Variants in SLC6A11 observed in about 807,000 individuals in gnomAD.
The protein encoded by SLC6A11 is sodium- and chloride-dependent GABA transporter 3.
In SLC6A11, 25 loss-of-function variants were observed where a neutral mutation model predicts 74.8. That is an observed-to-expected ratio of 0.33 (90% CI 0.24 to 0.47). The LOEUF is 0.47. SLC6A11 is among the 20% of genes least tolerant of loss of function. The probability of loss-of-function intolerance (pLI) is 1.00; values close to 1 mark genes in which losing one functional copy is unlikely to be tolerated. For synonymous variants in SLC6A11, 330 were observed against 330.2 expected, an observed-to-expected ratio of 1.00 and a Z score of 0.01; for missense variants, 574 against 837.0, an observed-to-expected ratio of 0.69 and a Z score of 3.88.
At chr3:10,858,767 G>T (rs902653352) in intron 5 of SLC6A11, among the ~76,000 whole-genome samples, 1 of 152,168 alleles carries the variant, frequency 6.6e-6, no homozygotes, top group East Asian at 1.9e-4. Flanking sequence ...GGAGCTATGT[G>T]CCTTCAAATT....
At chr3:10,904,627 C>T (rs896508239) in intron 6 of SLC6A11, among the ~76,000 whole-genome samples, 9 of 152,176 alleles carry the variant, frequency 5.9e-5, no homozygotes, top group Non-Finnish European at 1.0e-4. Context: ...CCCTTTGTAG[C>T]GTCCTGGGAG....
intron 6 of SLC6A11, among the ~76,000 whole-genome samples, chr3:10,878,662 C>G (rs1355204361): frequency 6.6e-6 from 1 of 151,678 alleles, no homozygotes; most frequent in Admixed American, 6.6e-5. Context: ...ATCCACCCAC[C>G]TTGGCCTCCC....
chr3:10,847,288 G>T (rs533421577), intron 5 of SLC6A11, among the ~76,000 whole-genome samples: 1 of 152,290 alleles, frequency 6.6e-6, no homozygotes, highest in Non-Finnish European at 1.5e-5. Context: ...GGACTATGGC[G>T]ATTTTCTTAT....
At chr3:10,889,375 A>T (rs1695081754) in intron 6 of SLC6A11, among the ~76,000 whole-genome samples, 1 of 152,096 alleles carries the variant, frequency 6.6e-6, no homozygotes, top group Non-Finnish European at 1.5e-5. Context: ...GCTCCAGTGA[A>T]TGTGTAATGT....
chr3:10,828,235 G>A (rs1368540050), intron 4 of SLC6A11, among the ~76,000 whole-genome samples: 1 of 152,170 alleles, frequency 6.6e-6, no homozygotes, highest in East Asian at 1.9e-4. Context: ...CATTCTTGCT[G>A]TGTATACAAT....
At chr3:10,881,887 C>T (rs1417235491) in intron 6 of SLC6A11, among the ~76,000 whole-genome samples, 1 of 152,210 alleles carries the variant, frequency 6.6e-6, no homozygotes, top group East Asian at 1.9e-4. Flanking sequence ...CTCAGGATTA[C>T]AAGGGGCTCA....
chr3:10,900,262 G>A (rs559708351), intron 6 of SLC6A11, among the ~76,000 whole-genome samples: 1 of 152,326 alleles, frequency 6.6e-6, no homozygotes, highest in African/African-American at 2.4e-5. Context: ...TGGCCTGGTA[G>A]TTAGGACTCG....
intron 4 of SLC6A11, among the ~76,000 whole-genome samples, chr3:10,829,558 A>C (rs1256849956): frequency 6.6e-6 from 1 of 152,182 alleles, no homozygotes; most frequent in Non-Finnish European, 1.5e-5. Flanking sequence ...CCCCGTGGCT[A>C]AAGTGTAGAT....
chr3:10,870,017 C>T (rs184882856), intron 5 of SLC6A11, among the ~76,000 whole-genome samples: 25 of 152,262 alleles, frequency 1.6e-4, no homozygotes, highest in East Asian at 1.9e-4. Context: ...TATGAGGGGG[C>T]AGACAATACC....
intron 5 of SLC6A11, among the ~76,000 whole-genome samples, chr3:10,863,836 T>A (rs750873443): frequency 6.6e-6 from 1 of 152,142 alleles, no homozygotes; most frequent in African/African-American, 2.4e-5. Flanking sequence ...TGAATGTAGT[T>A]GGCTCATAGG....
chr3:10,892,432 T>C (rs577267629), intron 6 of SLC6A11, among the ~76,000 whole-genome samples: 1 of 152,300 alleles, frequency 6.6e-6, no homozygotes, highest in Non-Finnish European at 1.5e-5. Flanking sequence ...CAGGAGGCAC[T>C]GTTGCATGGT....
chr3:10,866,039 A>G (rs1694759260), intron 5 of SLC6A11, among the ~76,000 whole-genome samples: 1 of 152,214 alleles, frequency 6.6e-6, no homozygotes, highest in African/African-American at 2.4e-5. Context: ...ACAGAAGCAT[A>G]AACAGGATAG....
At position 10,911,495 on chromosome 3, in the gene SLC6A11, A is replaced by G. The variant is rs575425859; in HGVS notation, c.892-595A>G. ...AGGGGGGGAGTCTGTTCTGAAAGGGAGAAGGACATGGTGGGCCTCCCTCAC... is the reference window on the plus strand; with the variant it reads ...AGGGGGGGAGTCTGTTCTGAAAGGGGGAAGGACATGGTGGGCCTCCCTCAC... On this transcript the variant is annotated intron_variant, in intron 6 of 13. Transcript: ENST00000254488. 4.6e-5 allele frequency among the ~76,000 whole-genome samples: 7 copies of G among 152,216 alleles called. No homozygotes were observed. In the East Asian group the frequency reaches 9.7e-4, roughly 21 times the overall value.
intron 4 of SLC6A11, among the ~76,000 whole-genome samples, chr3:10,841,946 G>A (rs1029021312): frequency 1.3e-5 from 2 of 152,218 alleles, no homozygotes; most frequent in South Asian, 4.1e-4. Flanking sequence ...GTACACCTGG[G>A]CTGTTTCCGT....
chr3:10,822,268 G>A (rs988074326), intron 3 of SLC6A11, among the ~76,000 whole-genome samples: 51 of 152,198 alleles, frequency 3.4e-4, no homozygotes, highest in Non-Finnish European at 1.0e-4. Context: ...GGGGTGCAGG[G>A]GCCTCTGAGG....
At chr3:10,901,922 C>T (rs1446861036) in intron 6 of SLC6A11, among the ~76,000 whole-genome samples, 1 of 152,196 alleles carries the variant, frequency 6.6e-6, no homozygotes, top group African/African-American at 2.4e-5. Flanking sequence ...TTATTATTCT[C>T]CTAACCTACT....
chr3:10,873,845 C>A (rs779823510), intron 5 of SLC6A11, among the ~76,000 whole-genome samples: 1 of 151,748 alleles, frequency 6.6e-6, no homozygotes, highest in Non-Finnish European at 1.5e-5. Context: ...ATGCTCTGCT[C>A]TGCTATGCTA....
chr3:10,884,791 T>TTGGCC (rs1271200468), intron 6 of SLC6A11, among the ~76,000 whole-genome samples: 1 of 152,228 alleles, frequency 6.6e-6, no homozygotes, highest in Non-Finnish European at 1.5e-5. Context: ...CAGCCTCCAG[T>TTGGCC]TGGCCCCTCT....
intron 6 of SLC6A11, among the ~76,000 whole-genome samples, chr3:10,886,196 A>G (rs945621640): frequency 2.0e-5 from 3 of 152,190 alleles, no homozygotes; most frequent in African/African-American, 4.8e-5. Flanking sequence ...AATAGTTGCT[A>G]TGGCAGGAGG....
Sources: gnomAD v4.1 joint callset for allele counts (sites outside exome capture counted in the v4.1 genomes callset) on GRCh38, gnomAD v4.1.1 for gene constraint, MANE v1.5 for transcripts, NCBI Gene and HGNC (gene_info 2026-07-23, HGNC 2026-07-21) for gene names.